Variants in GPATCH1 observed in about 807,000 individuals in gnomAD.
GPATCH1 encodes the protein G patch domain-containing protein 1.
A neutral mutation model predicts 114.9 loss-of-function variants in GPATCH1; 73 were observed. That is an observed-to-expected ratio of 0.64 (90% CI 0.53 to 0.77). The LOEUF (loss-of-function observed/expected upper bound fraction) is 0.77. Among genes scored for constraint, GPATCH1 ranks in the 30% least tolerant of loss-of-function variants. GPATCH1 has a pLI of 0.00. For synonymous variants in GPATCH1, 391 were observed against 428.4 expected, an observed-to-expected ratio of 0.91 and a Z score of 1.08; for missense variants, 1,058 against 1,144.3, an observed-to-expected ratio of 0.92 and a Z score of 1.09.
intron 1 of GPATCH1, among the ~76,000 whole-genome samples, chr19:33,084,816 A>G (rs1972518888): frequency 6.6e-6 from 1 of 151,886 alleles, no homozygotes; most frequent in Non-Finnish European, 1.5e-5. Flanking sequence ...GCATGCCACC[A>G]CGCCCGGCTA....
rs202221412 is a variant in GPATCH1, at chr19:33,125,326, T to C, written c.2619+124T>C. 147 of 1,048,176 alleles carry C rather than the reference T, an allele frequency of 1.4e-4. 1 individual carries two copies. Among genetic ancestry groups the C allele is most frequent in the Non-Finnish European group, 1.9e-4 (140 of 735,540 alleles). 64.9% of individuals were successfully genotyped at this position (1,048,176 alleles called of 1,614,324 possible). A position where few individuals can be genotyped will look rare whatever the true frequency, so the allele number is the denominator to read the frequency against. On this transcript the variant is annotated intron_variant, in intron 18 of 19. Transcript: ENST00000170564. ...GCCAAGTCACAGTTCTCTCTGAGACTTAACAGAAATGTTGACATTCAATTC... is the reference window on the plus strand; with the variant it reads ...GCCAAGTCACAGTTCTCTCTGAGACCTAACAGAAATGTTGACATTCAATTC...
chr19:33,083,945 G>C (rs1214933274), intron 1 of GPATCH1, among the ~76,000 whole-genome samples: 3 of 152,032 alleles, frequency 2.0e-5, no homozygotes, highest in Non-Finnish European at 4.4e-5. Flanking sequence ...GAGTGGCTGG[G>C]ATTATAGGTG....
chr19:33,103,709 GAAAA>G (rs1011621347), intron 9 of GPATCH1, among the ~76,000 whole-genome samples: 2 of 149,808 alleles, frequency 1.3e-5, no homozygotes, highest in African/African-American at 4.9e-5. Flanking sequence ...CTCAAAAAAA[GAAAA>G]AAAAAGAAAA....
rs758280196 is a variant in GPATCH1 at position 33,088,196 on chromosome 19, T to A, written c.136T>A (p.Tyr46Asn). The part of the protein sequence containing the change: ...DQTVRDEKGR[Y>N]KRFHGAFSGG... The stretch of plus-strand genomic sequence containing the variant: ...GACTGTCAGAGATGAAAAAGGAAGG[T>A]ATAAACGATTCCACGGGGCCTTTAG... Residue 46 changes from tyrosine (Y) to asparagine (N), a missense_variant, in exon 2 of 20, where the codon TAT becomes AAT. Tyr to Asn is a moderately radical substitution (Grantham distance 143). Coordinates refer to ENST00000170564, the MANE Select transcript of GPATCH1 (RefSeq NM_018025.3). 6 of 1,600,322 alleles carry A rather than the reference T, an allele frequency of 3.7e-6. No homozygotes were observed. The highest frequency in any genetic ancestry group is 5.1e-6 in the Non-Finnish European group (6 of 1,170,748).
At chr19:33,092,350 A>G (rs988329134) in intron 3 of GPATCH1, among the ~76,000 whole-genome samples, 2 of 151,892 alleles carry the variant, frequency 1.3e-5, no homozygotes, top group Non-Finnish European at 2.9e-5. Context: ...CGCACCCGGC[A>G]GTCTCTTTTC....
At position 33,097,854 on chromosome 19, in the gene GPATCH1, G is replaced by A. The variant is rs1455446421; in HGVS notation, c.952G>A (p.Asp318Asn). 3.7e-6 allele frequency: 6 copies of A among 1,614,074 alleles called. No homozygotes were observed. Among genetic ancestry groups the A allele is most frequent in the Middle Eastern group, 3.3e-4 (2 of 6,062 alleles). Residue 318 changes from aspartate (D) to asparagine (N), a missense_variant, in exon 8 of 20, where the codon GAC becomes AAC. Asp to Asn is a conservative substitution (Grantham distance 23, BLOSUM62 1). Transcript: ENST00000170564. ...TGTTCTGAAGGACGAGGAGCCTGGA[G>A]ACGGACTCTATGGCTGGACAGCACC... The part of the protein sequence containing the change: ...DTVLKDEEPG[D>N]GLYGWTAPRQ...
chr19:33,100,663 G>A (rs1310504086), intron 8 of GPATCH1, among the ~76,000 whole-genome samples: 2 of 151,540 alleles, frequency 1.3e-5, no homozygotes, highest in African/African-American at 4.9e-5. Context: ...GGAGAGATGT[G>A]GTGGTGCTGA....
At chr19:33,122,902 A>C (rs1273825544) in intron 17 of GPATCH1, among the ~76,000 whole-genome samples, 1 of 151,532 alleles carries the variant, frequency 6.6e-6, no homozygotes, top group Middle Eastern at 3.2e-3. Context: ...GTATCTCTTA[A>C]AAAAATAAAA....
rs769539313 is a variant in GPATCH1, at chr19:33,130,319, C to T, written c.*159C>T. 7.0e-5 allele frequency: 32 copies of T among 455,922 alleles called. No individual in the cohort carries two copies. The highest frequency in any genetic ancestry group is 1.3e-4 in the South Asian group (2 of 15,958). 28.2% of individuals were successfully genotyped at this position (455,922 alleles called of 1,614,324 possible). A position where few individuals can be genotyped will look rare whatever the true frequency, so the allele number is the denominator to read the frequency against. Reference sequence around the variant, plus strand: ...CATTTCAAAGACTGCCTTGAAAGGTCGCAGAAATTGATTTCTATTTTTAAT... The same window carrying T: ...CATTTCAAAGACTGCCTTGAAAGGTTGCAGAAATTGATTTCTATTTTTAAT... On this transcript the variant is annotated 3_prime_UTR_variant, in exon 20 of 20. Coordinates refer to ENST00000170564, the MANE Select transcript of GPATCH1 (RefSeq NM_018025.3).
intron 16 of GPATCH1, among the ~76,000 whole-genome samples, chr19:33,118,615 T>C (rs759160446): frequency 3.9e-5 from 6 of 152,244 alleles, no homozygotes; most frequent in Non-Finnish European, 8.8e-5. Context: ...TGAGTGAAAC[T>C]TGTCTCCCGC....
rs1972830951 is a variant in GPATCH1, at chr19:33,109,887, T to G, written c.1456T>G (p.Ser486Ala). 6.2e-7 allele frequency: 1 copy of G among 1,614,156 alleles called. No individual in the cohort carries two copies. The highest frequency in any genetic ancestry group is 2.2e-5 in the East Asian group (1 of 44,882). ...CCCTGCAGCGGCTGCTGGGCACTGCTCTTGGAACATGGCATTAGGTGGTGG... is the reference window on the plus strand; with the variant it reads ...CCCTGCAGCGGCTGCTGGGCACTGCGCTTGGAACATGGCATTAGGTGGTGG... The part of the protein sequence containing the change: ...LSPAAAAGHC[S>A]WNMALGGGTA... The change falls in exon 11 of 20, where the codon TCT (serine) becomes GCT (alanine). Residue 486 changes from serine (S) to alanine (A), a missense_variant. By Grantham distance (99) the Ser-to-Ala change is moderately conservative (BLOSUM62 1). This residue lies in a region of GPATCH1 where 893 missense variants were observed against 977.4 expected (regional missense o/e 0.91). Transcript: ENST00000170564.
At chr19:33,108,039 G>A (rs1972806644) in intron 10 of GPATCH1, among the ~76,000 whole-genome samples, 1 of 151,572 alleles carries the variant, frequency 6.6e-6, no homozygotes, top group South Asian at 2.1e-4. Flanking sequence ...TCTCTTTTCG[G>A]TCCTCCCGCA....
chr19:33,117,823 AG>A lies in GPATCH1; in HGVS notation c.2197-1del. 2 of 1,607,584 alleles carry A rather than the reference AG, an allele frequency of 1.2e-6. No homozygotes were observed. The highest frequency in any genetic ancestry group is 1.7e-6 in the Non-Finnish European group (2 of 1,174,976). On this transcript the variant is annotated splice_acceptor_variant, in intron 15 of 19. Transcript: ENST00000170564. LOFTEE classifies it high-confidence loss of function. ...CTGACTCTTATTTCACTGTCAATAC[AG>A]ACCGTCAACAAAGATGTGGACGCAC...
chr19:33,088,116 T>G lies in GPATCH1; in HGVS notation c.74-18T>G. 1.7e-6 allele frequency: 2 copies of G among 1,159,458 alleles called. No individual in the cohort carries two copies. The highest frequency in any genetic ancestry group is 2.2e-6 in the Non-Finnish European group (2 of 892,142). 71.8% of individuals were successfully genotyped at this position (1,159,458 alleles called of 1,614,324 possible). ...CTCTCTTTTTCATTTAAAAAACTTT[T>G]TTTTTTTTTTTTTTTAGGTGAAAGA... On this transcript the variant is annotated intron_variant, in intron 1 of 19. Transcript: ENST00000170564.
intron 19 of GPATCH1, among the ~76,000 whole-genome samples, chr19:33,128,372 T>G (rs1206700941): frequency 6.6e-6 from 1 of 152,214 alleles, no homozygotes; most frequent in Non-Finnish European, 1.5e-5. Flanking sequence ...GCCATTCTCC[T>G]GCCTCAGCCT....
At chr19:33,115,904 C>T (rs1436304790) in intron 15 of GPATCH1, among the ~76,000 whole-genome samples, 1 of 152,188 alleles carries the variant, frequency 6.6e-6, no homozygotes, top group South Asian at 2.1e-4. Context: ...TTTGGATTTA[C>T]GTGTATGATG....
intron 2 of GPATCH1, among the ~76,000 whole-genome samples, chr19:33,090,317 T>C (rs187585017): frequency 5.3e-5 from 8 of 152,276 alleles, no homozygotes; most frequent in African/African-American, 1.9e-4. Flanking sequence ...TCTGTTACTC[T>C]CTCTTTATCC....
chr19:33,100,150 T>C (rs937789485), intron 8 of GPATCH1: 2 of 152,156 alleles, frequency 1.3e-5, no homozygotes, highest in African/African-American at 4.8e-5. Flanking sequence ...TCTGTCTTTA[T>C]GTACATTTGT....
At chr19:33,122,173 A>AT (rs893859581) in intron 17 of GPATCH1, among the ~76,000 whole-genome samples, 4 of 150,894 alleles carry the variant, frequency 2.7e-5, no homozygotes, top group African/African-American at 9.8e-5. Context: ...TGCCTGGCTA[A>AT]TTTTTTGTAT....
Sources: gnomAD v4.1 joint callset for allele counts (sites outside exome capture counted in the v4.1 genomes callset) on GRCh38, gnomAD v4.1.1 for gene constraint, gnomAD v4.1.1 regional missense constraint, MANE v1.5 for transcripts, NCBI Gene and HGNC (gene_info 2026-07-23, HGNC 2026-07-21) for gene names.